Variants in SCD5 observed in about 807,000 individuals in gnomAD.
The protein encoded by SCD5 is acyl-CoA-desaturase 4.
SCD5 carries 20 observed loss-of-function variants against 30.4 expected under a neutral mutation model. The ratio of observed to expected loss-of-function variants is 0.66; its 90% CI spans 0.46 to 0.96. The LOEUF is 0.96. Among genes scored for constraint, SCD5 ranks in the 40% least tolerant of loss-of-function variants. The pLI is 0.00. For synonymous variants in SCD5, 173 were observed against 176.4 expected, an observed-to-expected ratio of 0.98 and a Z score of 0.16; for missense variants, 381 against 443.3, an observed-to-expected ratio of 0.86 and a Z score of 1.26.
intron 3 of SCD5, among the ~76,000 whole-genome samples, chr4:82,657,502 C>G (rs1727888196): frequency 6.6e-6 from 1 of 152,180 alleles, no homozygotes; most frequent in East Asian, 1.9e-4. Flanking sequence ...GTTACTGTAG[C>G]CTGGTAATAT....
intron 3 of SCD5, among the ~76,000 whole-genome samples, chr4:82,667,300 G>A (rs1728213154): frequency 6.6e-6 from 1 of 152,140 alleles, no homozygotes; most frequent in Admixed American, 6.6e-5. Flanking sequence ...ACGCACGCAC[G>A]CATGCAAATT....
intron 1 of SCD5, among the ~76,000 whole-genome samples, chr4:82,725,551 C>A (rs1295112316): frequency 7.4e-6 from 1 of 134,254 alleles, no homozygotes; most frequent in Non-Finnish European, 1.5e-5. Context: ...CATTCTAAAA[C>A]GTGATTCCTT....
chr4:82,639,298 T>C (rs890626516), intron 3 of SCD5, among the ~76,000 whole-genome samples: 1 of 152,066 alleles, frequency 6.6e-6, no homozygotes, highest in South Asian at 2.1e-4. Flanking sequence ...GCCTTAGAGG[T>C]GGCCTTCTAG....
intron 4 of SCD5, among the ~76,000 whole-genome samples, chr4:82,632,069 G>A (rs1293445026): frequency 1.3e-5 from 2 of 151,634 alleles, no homozygotes; most frequent in Non-Finnish European, 1.5e-5. Context: ...AAGTTCTAGG[G>A]TACATGTGCA....
rs865881290 is a variant in SCD5 at position 82,712,271 on chromosome 4, T to C, written c.233-6858A>G. On this transcript the variant is annotated intron_variant, in intron 1 of 4. Transcript: ENST00000319540. Reference sequence around the variant, plus strand: ...ATATATATATATATATATATATATATATATATATATATATATATATATATA... The same window carrying C: ...ATATATATATATATATATATATATACATATATATATATATATATATATATA... 7.2e-3 allele frequency among the ~76,000 whole-genome samples: 358 copies of C among 49,824 alleles called. 63 individuals carry two copies. Among genetic ancestry groups the C allele is most frequent in the African/African-American group, 0.046 (341 of 7,408 alleles). 32.7% of individuals were successfully genotyped at this position (49,824 alleles called of 152,430 possible).
chr4:82,732,289 C>G (rs1374022652), intron 1 of SCD5, among the ~76,000 whole-genome samples: 1 of 152,100 alleles, frequency 6.6e-6, no homozygotes, highest in Non-Finnish European at 1.5e-5. Context: ...AGGGTTTCAC[C>G]AAGTAGGCCA....
At chr4:82,701,062 A>C (rs1719827451) in intron 2 of SCD5, among the ~76,000 whole-genome samples, 1 of 152,218 alleles carries the variant, frequency 6.6e-6, no homozygotes, top group South Asian at 2.1e-4. Context: ...GATACGTAAA[A>C]TGAATGACAA....
intron 1 of SCD5, among the ~76,000 whole-genome samples, chr4:82,727,124 C>T (rs1720518963): frequency 6.6e-6 from 1 of 152,164 alleles, no homozygotes; most frequent in Non-Finnish European, 1.5e-5. Context: ...GAGGTTTCCC[C>T]ATCAGATTCT....
chr4:82,760,217 G>A (rs868440590), intron 1 of SCD5, among the ~76,000 whole-genome samples: 1 of 152,088 alleles, frequency 6.6e-6, no homozygotes, highest in African/African-American at 2.4e-5. Flanking sequence ...AACTCCCTGT[G>A]TTAACCTTCA....
intron 4 of SCD5, among the ~76,000 whole-genome samples, chr4:82,633,958 T>G (rs1727372410): frequency 6.6e-6 from 1 of 152,206 alleles, no homozygotes; most frequent in Non-Finnish European, 1.5e-5. Flanking sequence ...TTTCTATCTG[T>G]GTAGATTTGC....
At chr4:82,789,950 T>C (rs2148854013) in intron 1 of SCD5, among the ~76,000 whole-genome samples, 1 of 152,206 alleles carries the variant, frequency 6.6e-6, no homozygotes, top group African/African-American at 2.4e-5. Flanking sequence ...TTTGTTGTTG[T>C]TGTTGTTAGT....
At chr4:82,652,221 G>A (rs1727773660) in intron 3 of SCD5, among the ~76,000 whole-genome samples, 1 of 152,186 alleles carries the variant, frequency 6.6e-6, no homozygotes, top group Non-Finnish European at 1.5e-5. Flanking sequence ...AAGAGATAGG[G>A]TAACTGTGGC....
At chr4:82,737,976 A>C (rs951739686) in intron 1 of SCD5, among the ~76,000 whole-genome samples, 4 of 150,528 alleles carry the variant, frequency 2.7e-5, no homozygotes, top group African/African-American at 7.3e-5. Context: ...AAAATCCACT[A>C]TCTAGAACTA....
At chr4:82,666,471 C>T (rs1032904472) in intron 3 of SCD5, among the ~76,000 whole-genome samples, 1 of 151,310 alleles carries the variant, frequency 6.6e-6, no homozygotes, top group Non-Finnish European at 1.5e-5. Context: ...AGCCGGATCG[C>T]GCCACTGCAC....
chr4:82,649,544 C>T (rs1005527729), intron 3 of SCD5, among the ~76,000 whole-genome samples: 1 of 152,198 alleles, frequency 6.6e-6, no homozygotes, highest in Admixed American at 6.5e-5. Context: ...CCACCACTGA[C>T]AGGATTCTGT....
At chr4:82,699,127 C>G (rs1456329460) in intron 2 of SCD5, among the ~76,000 whole-genome samples, 1 of 152,108 alleles carries the variant, frequency 6.6e-6, no homozygotes, top group African/African-American at 2.4e-5. Flanking sequence ...TTTGAATCAT[C>G]TTAAAACCAT....
chr4:82,722,493 G>A (rs1720388914), intron 1 of SCD5, among the ~76,000 whole-genome samples: 1 of 152,202 alleles, frequency 6.6e-6, no homozygotes, highest in Admixed American at 6.5e-5. Flanking sequence ...GCTGGGCATG[G>A]TAGCTCACTC....
At chr4:82,745,194 G>A (rs1365119666) in intron 1 of SCD5, among the ~76,000 whole-genome samples, 1 of 152,162 alleles carries the variant, frequency 6.6e-6, no homozygotes, top group Non-Finnish European at 1.5e-5. Flanking sequence ...CAGCCTCGCT[G>A]GCACTGATGT....
chr4:82,631,401 C>G lies in SCD5; in HGVS notation c.919G>C (p.Ala307Pro). 6.2e-7 allele frequency: 1 copy of G among 1,614,116 alleles called. No individual in the cohort carries two copies. Among genetic ancestry groups the G allele is most frequent in the South Asian group, 1.1e-5 (1 of 91,076 alleles). ...TTGGTTGCCCGTTTGCGGTCAGTGG[C>G]CAGCCCCAGCCAGCACATGAAATCA... ...FIDFMCWLGL[A>P]TDRKRATKPM... Residue 307 changes from alanine to proline, a missense_variant, in exon 5 of 5, where the codon GCC (alanine) becomes CCC (proline). Physicochemically the swap from Ala to Pro is conservative, Grantham distance 27 (BLOSUM62 -1). Coordinates refer to ENST00000319540, the MANE Select transcript of SCD5 (RefSeq NM_001037582.3).
Sources: allele counts gnomAD v4.1 joint callset (sites outside exome capture counted in the v4.1 genomes callset), GRCh38; gene constraint gnomAD v4.1.1; transcripts MANE v1.5; gene names NCBI Gene and HGNC (gene_info 2026-07-23, HGNC 2026-07-21).